Variants in PXDNL observed in about 807,000 individuals in gnomAD.
The protein encoded by PXDNL is peroxidasin like.
A neutral mutation model predicts 150.8 loss-of-function variants in PXDNL; 145 were observed. That is an observed-to-expected ratio of 0.96 (90% CI 0.84 to 1.10). The LOEUF (loss-of-function observed/expected upper bound fraction) is 1.10, where lower values mean the gene tolerates loss of function less well. PXDNL is among the 50% of genes least tolerant of loss of function. PXDNL has a pLI of 0.00. For missense variants in PXDNL, 2,087 were observed against 1,873.9 expected, an observed-to-expected ratio of 1.11 and a Z score of -2.10; for synonymous variants, 757 against 725.7, an observed-to-expected ratio of 1.04 and a Z score of -0.69.
intron 2 of PXDNL, among the ~76,000 whole-genome samples, chr8:51,627,596 A>G (rs1446915149): frequency 6.6e-6 from 1 of 152,186 alleles, no homozygotes; most frequent in African/African-American, 2.4e-5. Context: ...GTCCTCAGAG[A>G]AACATTAAAA....
At chr8:51,630,953 T>A (rs924049299) in intron 2 of PXDNL, among the ~76,000 whole-genome samples, 2 of 152,094 alleles carry the variant, frequency 1.3e-5, no homozygotes, top group African/African-American at 4.8e-5. Context: ...GAAATATAAA[T>A]TGTTCTGTCA....
chr8:51,788,231 A>C (rs2037478523), intron 1 of PXDNL, among the ~76,000 whole-genome samples: 1 of 152,130 alleles, frequency 6.6e-6, no homozygotes, highest in African/African-American at 2.4e-5. Context: ...ACTGTATGTA[A>C]ATTAGCTAAT....
intron 12 of PXDNL, among the ~76,000 whole-genome samples, chr8:51,439,824 CAAAAAA>C: frequency 9.8e-6 from 1 of 101,556 alleles, no homozygotes; most frequent in East Asian, 3.0e-4. Flanking sequence ...GACTCCATCT[CAAAAAA>C]AAAAAAAAAA....
At chr8:51,639,980 C>A (rs1814707309) in intron 2 of PXDNL, among the ~76,000 whole-genome samples, 1 of 152,058 alleles carries the variant, frequency 6.6e-6, no homozygotes, top group Non-Finnish European at 1.5e-5. Context: ...CCGAATCCAG[C>A]AGCACATCAA....
At chr8:51,672,719 T>C (rs1173429150) in intron 1 of PXDNL, among the ~76,000 whole-genome samples, 1 of 152,080 alleles carries the variant, frequency 6.6e-6, no homozygotes, top group Non-Finnish European at 1.5e-5. Context: ...ACTTAATTTA[T>C]ATTATAAATT....
At chr8:51,659,532 G>A (rs2130809439) in intron 1 of PXDNL, among the ~76,000 whole-genome samples, 1 of 152,308 alleles carries the variant, frequency 6.6e-6, no homozygotes, top group African/African-American at 2.4e-5. Flanking sequence ...TGAAGAAAAG[G>A]GATGGACAGA....
intron 1 of PXDNL, among the ~76,000 whole-genome samples, chr8:51,805,347 A>G (rs1390861192): frequency 6.7e-6 from 1 of 148,432 alleles, no homozygotes; most frequent in East Asian, 1.9e-4. Context: ...AATTTTATAT[A>G]TAAAACTTTA....
chr8:51,380,809 C>T (rs1198801481), intron 17 of PXDNL, among the ~76,000 whole-genome samples: 1 of 152,048 alleles, frequency 6.6e-6, no homozygotes, highest in Admixed American at 6.5e-5. Context: ...TTCATTTTTC[C>T]TAGAATTCTA....
Position 51,791,979 on chromosome 8 carries a change from C to T in PXDNL, c.164+17202G>A, listed in dbSNP as rs556461968. On this transcript the variant is annotated intron_variant, in intron 1 of 22. Coordinates refer to ENST00000356297, the MANE Select transcript of PXDNL (RefSeq NM_144651.5). The stretch of plus-strand genomic sequence containing the variant: ...TACAGAATCTGTTACCCTTCTTTTG[C>T]ATTCAAAAAATTCAAAGAAATATTA... Among the ~76,000 whole-genome samples the T allele has an allele frequency of 3.3e-5, 5 of 151,962 alleles. No individual in the cohort carries two copies. In the South Asian group the frequency reaches 1.0e-3, roughly 32 times the overall value.
chr8:51,338,347 C>T (rs757278947), intron 21 of PXDNL, among the ~76,000 whole-genome samples: 6 of 152,082 alleles, frequency 3.9e-5, no homozygotes, highest in African/African-American at 7.2e-5. Context: ...GTAATCACAC[C>T]GCTCCACCTG....
chr8:51,497,434 A>G (rs577017288), intron 5 of PXDNL, among the ~76,000 whole-genome samples: 20 of 152,284 alleles, frequency 1.3e-4, no homozygotes, highest in African/African-American at 4.1e-4. Flanking sequence ...ATTGACAAAC[A>G]GGATCTAATT....
At chr8:51,602,699 C>A (rs1813748768) in intron 2 of PXDNL, among the ~76,000 whole-genome samples, 1 of 151,550 alleles carries the variant, frequency 6.6e-6, no homozygotes, top group South Asian at 2.1e-4. Context: ...CATATTTTCA[C>A]TTTGTTTTGT....
At chr8:51,483,226 T>C (rs535966066) in intron 6 of PXDNL, among the ~76,000 whole-genome samples, 3 of 152,282 alleles carry the variant, frequency 2.0e-5, no homozygotes, top group South Asian at 2.1e-4. Context: ...TTTTGCTTAA[T>C]GTAGGAGGAA....
At chr8:51,613,121 G>A (rs1269199963) in intron 2 of PXDNL, among the ~76,000 whole-genome samples, 1 of 152,072 alleles carries the variant, frequency 6.6e-6, no homozygotes, top group Admixed American at 6.6e-5. Context: ...ATAAGCAATT[G>A]ACTATGGGGC....
chr8:51,411,353 T>C lies in PXDNL; in HGVS notation c.1959A>G (p.Pro653=). Residue 653 remains proline, a synonymous_variant, in exon 16 of 23, where the codon CCA becomes CCG. Coordinates refer to ENST00000356297, the MANE Select transcript of PXDNL (RefSeq NM_144651.5). The part of the protein sequence containing the change: ...LLAQFHYPRD[P]LIVEMARAGE... ...CTGCTCTTGCCATTTCCACAATCAG[T>C]GGGTCACGCGGGTAATGAAATTGAG... The C allele has an allele frequency of 6.3e-7, 1 of 1,587,354 alleles. No individual in the cohort carries two copies. The highest frequency in any genetic ancestry group is 8.5e-7 in the Non-Finnish European group (1 of 1,169,890).
At chr8:51,514,803 G>A (rs928022597) in intron 4 of PXDNL, among the ~76,000 whole-genome samples, 2 of 152,160 alleles carry the variant, frequency 1.3e-5, no homozygotes, top group African/African-American at 2.4e-5. Flanking sequence ...ATGGGAGAAA[G>A]TTGCATCCCC....
intron 5 of PXDNL, among the ~76,000 whole-genome samples, chr8:51,493,811 T>C (rs1294928707): frequency 6.6e-6 from 1 of 152,208 alleles, no homozygotes; most frequent in Non-Finnish European, 1.5e-5. Flanking sequence ...CTGACTAGTG[T>C]ACCTGAAAGT....
chr8:51,510,929 T>A (rs1811402573), intron 4 of PXDNL, among the ~76,000 whole-genome samples: 1 of 152,174 alleles, frequency 6.6e-6, no homozygotes, highest in Admixed American at 6.5e-5. Context: ...TTGTCAGTGC[T>A]GCAATTTAGG....
At chr8:51,726,777 T>TA (rs1399996015) in intron 1 of PXDNL, among the ~76,000 whole-genome samples, 1 of 152,006 alleles carries the variant, frequency 6.6e-6, no homozygotes, top group East Asian at 1.9e-4. Flanking sequence ...AAAGCTTATT[T>TA]AAAAAAATCT....
Sources: gnomAD v4.1 joint callset for allele counts (sites outside exome capture counted in the v4.1 genomes callset) on GRCh38, gnomAD v4.1.1 for gene constraint, MANE v1.5 for transcripts, NCBI Gene and HGNC (gene_info 2026-07-23, HGNC 2026-07-21) for gene names.